Variants in PAG1 observed in about 807,000 individuals in gnomAD.
PAG1 encodes phosphoprotein associated with glycosphingolipid-enriched microdomains 1.
A neutral mutation model predicts 31.7 loss-of-function variants in PAG1; 23 were observed. The ratio of observed to expected loss-of-function variants is 0.73; its 90% CI spans 0.52 to 1.03. PAG1 has a LOEUF of 1.03. PAG1 is among the 50% of genes least tolerant of loss of function. The probability of loss-of-function intolerance (pLI) is 0.00; values close to 1 mark genes in which losing one functional copy is unlikely to be tolerated. For synonymous variants in PAG1, 214 were observed against 210.3 expected, an observed-to-expected ratio of 1.02 and a Z score of -0.15; for missense variants, 473 against 540.7, an observed-to-expected ratio of 0.87 and a Z score of 1.24.
intron 1 of PAG1, among the ~76,000 whole-genome samples, chr8:81,098,277 G>A (rs1373499681): frequency 6.6e-6 from 1 of 152,184 alleles, no homozygotes; most frequent in East Asian, 1.9e-4. Context: ...TACATAAGAT[G>A]ATTATGCAAA....
At chr8:81,051,557 C>T (rs911162028) in intron 2 of PAG1, among the ~76,000 whole-genome samples, 7 of 152,166 alleles carry the variant, frequency 4.6e-5, no homozygotes, top group Admixed American at 6.5e-5. Context: ...ATTAGGACGA[C>T]TGAACATCCT....
chr8:81,111,102 C>G (rs796392111), intron 1 of PAG1, among the ~76,000 whole-genome samples: 28 of 152,290 alleles, frequency 1.8e-4, no homozygotes, highest in African/African-American at 6.5e-4. Context: ...TGTTTTTTCC[C>G]TAAAGGACTA....
chr8:81,005,119 AAG>A (rs1384789686), intron 3 of PAG1, among the ~76,000 whole-genome samples: 12 of 152,198 alleles, frequency 7.9e-5, no homozygotes, highest in Admixed American at 2.6e-4. Flanking sequence ...TGGTGAGGAA[AAG>A]AGGGGAAGGA....
At chr8:80,977,541 G>A (rs1160692217) in intron 8 of PAG1, among the ~76,000 whole-genome samples, 1 of 152,214 alleles carries the variant, frequency 6.6e-6, no homozygotes, top group African/African-American at 2.4e-5. Flanking sequence ...ATTCTCGTTG[G>A]TGGTACACAT....
chr8:81,037,850 A>C (rs1040103949), intron 2 of PAG1, among the ~76,000 whole-genome samples: 2 of 152,228 alleles, frequency 1.3e-5, no homozygotes, highest in Non-Finnish European at 2.9e-5. Context: ...ACAAAAAGTA[A>C]ATATTATTCC....
intron 1 of PAG1, among the ~76,000 whole-genome samples, chr8:81,108,135 G>A (rs1809721854): frequency 6.6e-6 from 1 of 152,174 alleles, no homozygotes; most frequent in South Asian, 2.1e-4. Flanking sequence ...TATATTCTGA[G>A]GAGTTAGTTA....
At chr8:81,034,192 C>T (rs1490809814) in intron 2 of PAG1, among the ~76,000 whole-genome samples, 1 of 152,204 alleles carries the variant, frequency 6.6e-6, no homozygotes, top group Non-Finnish European at 1.5e-5. Flanking sequence ...GACATCTCAT[C>T]GATAACTGCC....
chr8:81,047,592 T>C (rs1808662650), intron 2 of PAG1, among the ~76,000 whole-genome samples: 1 of 152,206 alleles, frequency 6.6e-6, no homozygotes, highest in African/African-American at 2.4e-5. Flanking sequence ...CATCTGGGCA[T>C]GACCTGGTAA....
At chr8:81,021,566 TAGAG>T (rs957282481) in intron 3 of PAG1, among the ~76,000 whole-genome samples, 15 of 148,258 alleles carry the variant, frequency 1.0e-4, no homozygotes, top group East Asian at 2.0e-4. Context: ...GTGTGTGTGA[TAGAG>T]AGAGAGAAAG....
At chr8:81,013,918 T>C (rs903078888) in intron 3 of PAG1, among the ~76,000 whole-genome samples, 2 of 152,178 alleles carry the variant, frequency 1.3e-5, no homozygotes, top group African/African-American at 4.8e-5. Flanking sequence ...CAATATAATA[T>C]AAATTCTCTA....
In PAG1 at chr8:81,055,086, T is replaced by TC. The variant is rs1164648545; in HGVS notation, c.-175+15025_-175+15026insG. On this transcript the variant is annotated intron_variant, in intron 2 of 8. Coordinates refer to ENST00000220597, the MANE Select transcript of PAG1 (RefSeq NM_018440.4). ...ATTTCTTTTTTTTTCTTTTTTTTTT[T>TC]TTTTGTTGACACAGGGTCTTGCTCT... Among the ~76,000 whole-genome samples, 589 of 151,652 alleles carry TC rather than the reference T, an allele frequency of 3.9e-3. 9 individuals are homozygous for TC. The highest frequency in any genetic ancestry group is 0.014 in the African/African-American group (559 of 41,364).
At chr8:80,985,517 A>C in intron 6 of PAG1, 140 bp from the exon 7 acceptor site, 1 of 789,132 alleles carries the variant, frequency 1.3e-6, no homozygotes, top group Non-Finnish European at 2.0e-6. Context: ...AGTTGTTATG[A>C]CCATCAGTTG....
intron 2 of PAG1, among the ~76,000 whole-genome samples, chr8:81,045,199 A>T (rs1808621260): frequency 6.6e-6 from 1 of 152,222 alleles, no homozygotes; most frequent in African/African-American, 2.4e-5. Context: ...GTCTCATGTA[A>T]TGAGGTAGAG....
chr8:81,100,982 G>A (rs964045566), intron 1 of PAG1, among the ~76,000 whole-genome samples: 1 of 152,200 alleles, frequency 6.6e-6, no homozygotes, highest in Non-Finnish European at 1.5e-5. Context: ...CTAGGAGAAC[G>A]ATTTTGAAAA....
intron 3 of PAG1, among the ~76,000 whole-genome samples, chr8:80,996,572 G>A (rs1807676920): frequency 6.6e-6 from 1 of 152,160 alleles, no homozygotes; most frequent in East Asian, 1.9e-4. Flanking sequence ...TGGACTTCCT[G>A]GTAAATGTGT....
At chr8:81,057,606 A>T (rs1215679681) in intron 2 of PAG1, among the ~76,000 whole-genome samples, 1 of 151,800 alleles carries the variant, frequency 6.6e-6, no homozygotes, top group East Asian at 1.9e-4. Context: ...TAGGAGATAT[A>T]CCTAATGCAA....
intron 1 of PAG1, among the ~76,000 whole-genome samples, chr8:81,080,517 G>T (rs1213139047): frequency 6.6e-6 from 1 of 152,130 alleles, no homozygotes; most frequent in Non-Finnish European, 1.5e-5. Context: ...ATGGTTGGTT[G>T]TGGTCTCTGG....
intron 2 of PAG1, among the ~76,000 whole-genome samples, chr8:81,068,964 T>C (rs1444233328): frequency 6.6e-6 from 1 of 152,210 alleles, no homozygotes; most frequent in East Asian, 1.9e-4. Context: ...GAAATGGAAA[T>C]GCATTAGAGA....
At chr8:80,985,405 A>G in intron 6 of PAG1, 28 bp from the exon 7 acceptor site, 2 of 1,565,618 alleles carry the variant, frequency 1.3e-6, no homozygotes, top group Non-Finnish European at 1.7e-6. Context: ...TTAAAAGCGG[A>G]GAAAGGCAAG....
Sources: gnomAD v4.1 joint callset for allele counts (sites outside exome capture counted in the v4.1 genomes callset) on GRCh38, gnomAD v4.1.1 for gene constraint, MANE v1.5 for transcripts, NCBI Gene and HGNC (gene_info 2026-07-23, HGNC 2026-07-21) for gene names.